TBL1XR1: variants seen among roughly 807,000 people sequenced by gnomAD.
TBL1XR1 encodes F-box-like/WD repeat-containing protein TBL1XR1.
In TBL1XR1, 5 loss-of-function variants were observed where a neutral mutation model predicts 66.9. The ratio of observed to expected loss-of-function variants is 0.07; its 90% CI spans 0.04 to 0.16. The LOEUF (loss-of-function observed/expected upper bound fraction) is 0.16. Ranked by LOEUF, TBL1XR1 falls within the 10% of genes least tolerant of loss-of-function variation. TBL1XR1 has a pLI of 1.00. For synonymous variants in TBL1XR1, 210 were observed against 206.0 expected, an observed-to-expected ratio of 1.02 and a Z score of -0.17; for missense variants, 238 against 623.2, an observed-to-expected ratio of 0.38 and a Z score of 6.58.
intron 1 of TBL1XR1, among the ~76,000 whole-genome samples, chr3:177,124,991 A>C (rs1727434647): frequency 6.6e-6 from 1 of 152,150 alleles, no homozygotes; most frequent in Non-Finnish European, 1.5e-5. Context: ...ATACAGGTCA[A>C]TCTTTATGAC....
chr3:177,037,067 G>A lies in TBL1XR1; in HGVS notation c.1122+1031C>T, dbSNP rs895589134. On this transcript the variant is annotated intron_variant, in intron 12 of 15. Transcript: ENST00000457928. Reference sequence around the variant, plus strand: ...AACAAGAAAAACAGAGATCCATGTTGAGATGTGGATGTTGGTATGTCAACT... The same window carrying A: ...AACAAGAAAAACAGAGATCCATGTTAAGATGTGGATGTTGGTATGTCAACT... Among the ~76,000 whole-genome samples the A allele has an allele frequency of 2.2e-4, 33 of 152,318 alleles. No homozygotes were observed. The Middle Eastern group carries it at 0.01, about 47-fold the overall frequency.
chr3:177,072,413 G>A (rs946166501), intron 2 of TBL1XR1, among the ~76,000 whole-genome samples: 4 of 147,976 alleles, frequency 2.7e-5, no homozygotes, highest in African/African-American at 1.0e-4. Flanking sequence ...TTAGTATTAC[G>A]AATCAAGACC....
At chr3:177,031,532 A>G (rs992678975) in intron 14 of TBL1XR1, among the ~76,000 whole-genome samples, 2 of 151,260 alleles carry the variant, frequency 1.3e-5, no homozygotes, top group Admixed American at 6.6e-5. Context: ...GGGTTTCACC[A>G]TGTTGACCAG....
Position 177,029,448 on chromosome 3 carries a change from G to A in TBL1XR1, c.1417-2974C>T, listed in dbSNP as rs73039608. Among the ~76,000 whole-genome samples the A allele has an allele frequency of 6.5e-3, 993 of 152,004 alleles. 6 individuals carry two copies. Among genetic ancestry groups the A allele is most frequent in the African/African-American group, 0.023 (939 of 41,450 alleles). ...CAGACTGGGCAACATGGCAAAACCC[G>A]GTCTCTACAGAAAAATACAAAAATT... On this transcript the variant is annotated intron_variant, in intron 14 of 15. Coordinates refer to ENST00000457928, the MANE Select transcript of TBL1XR1 (RefSeq NM_024665.7).
At chr3:177,196,926 TG>T (rs946610780) in intron 1 of TBL1XR1, among the ~76,000 whole-genome samples, 194 bp downstream of exon 1, 4 of 150,874 alleles carry the variant, frequency 2.7e-5, no homozygotes, top group East Asian at 2.0e-4. Context: ...AACGGGGGGA[TG>T]GGGGCGCCCC....
At chr3:177,061,559 C>A (rs1718518970) in intron 3 of TBL1XR1, among the ~76,000 whole-genome samples, 1 of 152,170 alleles carries the variant, frequency 6.6e-6, no homozygotes, top group Non-Finnish European at 1.5e-5. Flanking sequence ...GAAGTCTTCA[C>A]AAACCAGTCC....
At chr3:177,089,797 T>G (rs993180216) in intron 2 of TBL1XR1, among the ~76,000 whole-genome samples, 1 of 152,136 alleles carries the variant, frequency 6.6e-6, no homozygotes, top group Non-Finnish European at 1.5e-5. Context: ...AAAATAAGAA[T>G]CTATCTGTGG....
At chr3:177,098,219 A>T (rs539220904) in intron 2 of TBL1XR1, among the ~76,000 whole-genome samples, 12 of 110,782 alleles carry the variant, frequency 1.1e-4, no homozygotes, top group Non-Finnish European at 2.0e-4. Context: ...TCTCAAAAAA[A>T]CATAAAAAGA....
At chr3:177,066,439 C>T (rs955598277) in intron 2 of TBL1XR1, among the ~76,000 whole-genome samples, 1 of 152,120 alleles carries the variant, frequency 6.6e-6, no homozygotes, top group Non-Finnish European at 1.5e-5. Context: ...AGGGAGTGAA[C>T]AGAAGCATCC....
chr3:177,028,063 T>C (rs935815432), intron 14 of TBL1XR1, among the ~76,000 whole-genome samples: 7 of 152,068 alleles, frequency 4.6e-5, no homozygotes, highest in East Asian at 3.9e-4. Flanking sequence ...ACCAAAACAT[T>C]ATGGGCAACA....
intron 14 of TBL1XR1, among the ~76,000 whole-genome samples, chr3:177,030,504 G>A (rs1394734826): frequency 1.3e-5 from 2 of 152,050 alleles, no homozygotes; most frequent in African/African-American, 4.8e-5. Context: ...TCATGGGAAT[G>A]ACAGGCACTC....
chr3:177,095,896 G>A (rs1723420672), intron 2 of TBL1XR1, among the ~76,000 whole-genome samples: 1 of 151,962 alleles, frequency 6.6e-6, no homozygotes, highest in Admixed American at 6.5e-5. Flanking sequence ...TTCAGTAAGG[G>A]GAAGAAAAAT....
At chr3:177,153,401 A>G (rs953321450) in intron 1 of TBL1XR1, among the ~76,000 whole-genome samples, 3 of 152,212 alleles carry the variant, frequency 2.0e-5, no homozygotes, top group African/African-American at 7.2e-5. Flanking sequence ...TGCACATATA[A>G]GACTTTTCAT....
intron 1 of TBL1XR1, among the ~76,000 whole-genome samples, chr3:177,181,301 G>C (rs1291770562): frequency 6.6e-6 from 1 of 151,968 alleles, no homozygotes; most frequent in Non-Finnish European, 1.5e-5. Flanking sequence ...CCAACACGGT[G>C]AAACCCCATC....
At chr3:177,191,794 A>G (rs6804369) in intron 1 of TBL1XR1, among the ~76,000 whole-genome samples, 73,627 of 152,042 alleles carry the variant, frequency 0.48, 18,973 homozygotes, top group Non-Finnish European at 0.57. Flanking sequence ...CCAAACCTTG[A>G]AAGAGTTCCC....
rs36126231 is a variant in TBL1XR1 at position 177,101,169 on chromosome 3, A to AT, written c.-121-2629dup. ...ACCATGCCCAGCCATGACAATCGCT[A>AT]TTTTTTTTTCAGACATTTGTTAAAT... On this transcript the variant is annotated intron_variant, in intron 1 of 15. Transcript: ENST00000457928. Among the ~76,000 whole-genome samples, 373 of 151,390 alleles carry AT rather than the reference A, an allele frequency of 2.5e-3. 3 individuals are homozygous for AT. Among genetic ancestry groups the AT allele is most frequent in the Middle Eastern group, 7.2e-3 (2 of 278 alleles).
rs532831876 is a variant in TBL1XR1, at chr3:177,023,088, T to C, written c.*2410A>G. The C allele has an allele frequency of 1.4e-4, 22 of 152,504 alleles. No homozygotes were observed. The highest frequency in any genetic ancestry group is 4.6e-4 in the Admixed American group (7 of 15,274). The allele number at this position is 152,504 out of a possible 1,614,324, so 9.4% of individuals were successfully genotyped here. On this transcript the variant is annotated 3_prime_UTR_variant, in exon 16 of 16. Coordinates refer to ENST00000457928, the MANE Select transcript of TBL1XR1 (RefSeq NM_024665.7). The stretch of plus-strand genomic sequence containing the variant: ...GTAGCTGTCTATTTTGGCAGCTATA[T>C]TGCAGAATTTCTTGACTATCTTTTA...
chr3:177,140,283 G>T (rs1729488780), intron 1 of TBL1XR1, among the ~76,000 whole-genome samples: 1 of 152,138 alleles, frequency 6.6e-6, no homozygotes, highest in South Asian at 2.1e-4. Context: ...CTGGGTGACG[G>T]AGTGAGACTC....
intron 1 of TBL1XR1, among the ~76,000 whole-genome samples, chr3:177,122,920 CCTCT>C (rs2108761220): frequency 6.6e-6 from 1 of 152,164 alleles, no homozygotes; most frequent in Admixed American, 6.5e-5. Context: ...ACAATGAATC[CCTCT>C]CTAAATTCAA....
Sources: allele counts gnomAD v4.1 joint callset (sites outside exome capture counted in the v4.1 genomes callset), GRCh38; gene constraint gnomAD v4.1.1; transcripts MANE v1.5; gene names NCBI Gene and HGNC (gene_info 2026-07-23, HGNC 2026-07-21).